The following NEK4 variants were observed in gnomAD, a reference collection of about 807,000 sequenced individuals.
The protein encoded by NEK4 is serine/threonine-protein kinase Nek4.
Under a neutral mutation model 98.4 loss-of-function variants are expected in NEK4, and 86 were observed. The ratio of observed to expected loss-of-function variants is 0.87; its 90% CI spans 0.73 to 1.05. The LOEUF (loss-of-function observed/expected upper bound fraction) is 1.05. Among genes scored for constraint, NEK4 ranks in the 50% least tolerant of loss-of-function variants. The pLI, the probability that NEK4 is intolerant of heterozygous loss-of-function variation, is 0.00. For missense variants in NEK4, 898 were observed against 950.3 expected (o/e 0.94, Z 0.72); for synonymous variants, 328 against 342.2 (o/e 0.96, Z 0.46).
chr3:52,758,913 C>T (rs1255307169), intron 6 of NEK4, among the ~76,000 whole-genome samples: 3 of 151,836 alleles, frequency 2.0e-5, no homozygotes, highest in Admixed American at 6.6e-5. Flanking sequence ...CATAGTGAGA[C>T]CCACCTCTAC....
In NEK4 at chr3:52,763,601, G is replaced by T; in HGVS notation, c.690C>A (p.Tyr230Ter). ...TTATCAGTTCTGCCAGCTCTGGGCTGTAATCTCTTGGCATTGGTGGCAGCT... is the reference window on the plus strand; with the variant it reads ...TTATCAGTTCTGCCAGCTCTGGGCTTTAATCTCTTGGCATTGGTGGCAGCT... ...EGKLPPMPRD[Y>*]SPELAELIRT... The change falls in exon 5 of 16, where the codon TAC becomes TAA. Residue 230 changes from tyrosine (Y) to a stop codon, truncating the protein, a stop_gained. Coordinates refer to ENST00000233027, the MANE Select transcript of NEK4 (RefSeq NM_003157.6). LOFTEE classifies it high-confidence loss of function. 6.2e-7 allele frequency: 1 copy of T among 1,603,252 alleles called. No individual in the cohort carries two copies. The highest frequency in any genetic ancestry group is 1.3e-5 in the African/African-American group (1 of 74,648).
At chr3:52,736,493 G>A (rs2097376137) in intron 15 of NEK4, among the ~76,000 whole-genome samples, 1 of 151,906 alleles carries the variant, frequency 6.6e-6, no homozygotes, top group South Asian at 2.1e-4. Context: ...GGCTGAGGCA[G>A]GAGAATGGCG....
intron 7 of NEK4, among the ~76,000 whole-genome samples, chr3:52,751,621 C>CA (rs367696490): frequency 4.0e-4 from 55 of 137,378 alleles, no homozygotes; most frequent in South Asian, 1.4e-3. Context: ...AACTCTGTCT[C>CA]AAAAAAAAAA....
chr3:52,761,107 T>G (rs1264037424), intron 5 of NEK4, among the ~76,000 whole-genome samples, 171 bp from the exon 6 acceptor site: 1 of 152,156 alleles, frequency 6.6e-6, no homozygotes, highest in Non-Finnish European at 1.5e-5. Context: ...TCACCAGTAG[T>G]CTTTGAAACA....
intron 12 of NEK4, among the ~76,000 whole-genome samples, chr3:52,742,057 C>A (rs775684417): frequency 6.6e-6 from 1 of 152,196 alleles, no homozygotes. Flanking sequence ...GGATTACAGG[C>A]ATGAGCTACC....
chr3:52,764,573 G>A (rs1483985767), intron 4 of NEK4, among the ~76,000 whole-genome samples: 1 of 151,998 alleles, frequency 6.6e-6, no homozygotes, highest in Non-Finnish European at 1.5e-5. Context: ...AGAGGTTGCA[G>A]TGAGCTGAGA....
intron 15 of NEK4, among the ~76,000 whole-genome samples, chr3:52,716,175 G>T (rs1038187952): frequency 2.0e-5 from 3 of 152,212 alleles, no homozygotes. Flanking sequence ...CCCTTGGCAG[G>T]CATGGGATAC....
rs1472783283 is a variant in NEK4, at chr3:52,711,201, GAATAA to G, written c.*571_*575del. ...CCTAGATGAGGTTTATATTAAATGA[GAATAA>G]AATATTAAAAGTCCATCAATGTGTA... On this transcript the variant is annotated 3_prime_UTR_variant, in exon 16 of 16. Transcript: ENST00000233027. 6.6e-6 allele frequency: 1 copy of G among 152,232 alleles called. No homozygotes were observed. Among genetic ancestry groups the G allele is most frequent in the African/African-American group, 2.4e-5 (1 of 41,430 alleles). 9.4% of individuals were successfully genotyped at this position (152,232 alleles called of 1,614,324 possible).
intron 5 of NEK4, among the ~76,000 whole-genome samples, chr3:52,761,565 C>T (rs540317441): frequency 2.6e-5 from 4 of 152,164 alleles, no homozygotes; most frequent in South Asian, 4.1e-4. Flanking sequence ...GGATTACAGG[C>T]GTGAGCCACC....
At position 52,763,603 on chromosome 3, in the gene NEK4, A is replaced by G; in HGVS notation, c.688T>C (p.Tyr230His). ...ATCAGTTCTGCCAGCTCTGGGCTGT[A>G]ATCTCTTGGCATTGGTGGCAGCTAC... Reference protein sequence around the residue: ...EGKLPPMPRDYSPELAELIRT... With the variant: ...EGKLPPMPRDHSPELAELIRT... The change falls in exon 5 of 16, where the codon TAC (tyrosine) becomes CAC (histidine). Residue 230 changes from tyrosine to histidine, a missense_variant. Transcript: ENST00000233027. The G allele has an allele frequency of 6.2e-7, 1 of 1,605,192 alleles. No individual in the cohort carries two copies. Among genetic ancestry groups the G allele is most frequent in the South Asian group, 1.1e-5 (1 of 89,148 alleles).
At chr3:52,724,481 C>A (rs2097362782) in intron 15 of NEK4, among the ~76,000 whole-genome samples, 1 of 152,156 alleles carries the variant, frequency 6.6e-6, no homozygotes, top group South Asian at 2.1e-4. Flanking sequence ...GAAATCAAGA[C>A]ATTTCCAGAT....
chr3:52,743,094 T>C, intron 12 of NEK4: 1 of 353,280 alleles, frequency 2.8e-6, no homozygotes, highest in South Asian at 3.8e-5. Flanking sequence ...CAGGAAGTCC[T>C]GTTAAGACCA....
intron 15 of NEK4, among the ~76,000 whole-genome samples, chr3:52,734,316 G>A (rs1020865010): frequency 6.6e-6 from 1 of 152,172 alleles, no homozygotes; most frequent in East Asian, 1.9e-4. Flanking sequence ...CAGGTGTGGT[G>A]GCGGGTGCCT....
intron 15 of NEK4, chr3:52,732,587 A>C: frequency 3.4e-6 from 1 of 296,286 alleles, no homozygotes; most frequent in South Asian, 4.5e-5. Flanking sequence ...ACTCTTACTC[A>C]GCGTCACTTG....
rs1169801037 is a variant in NEK4 at position 52,766,220 on chromosome 3, G to A, written c.516C>T (p.Tyr172=). The A allele has an allele frequency of 4.3e-6, 7 of 1,614,076 alleles. No individual in the cohort carries two copies. The highest frequency in any genetic ancestry group is 1.7e-5 in the Admixed American group (1 of 60,002). The change falls in exon 3 of 16, where the codon TAC becomes TAT. Residue 172 remains tyrosine (Y), a synonymous_variant. Transcript: ENST00000233027. ...TGTTTGAGAACAATTCAGGGCTCAT[G>A]TAGTAGGGTGTGCCAATGAGGGTGC... ...MASTLIGTPY[Y]MSPELFSNKP...
At chr3:52,723,038 T>C (rs2154102308) in intron 15 of NEK4, among the ~76,000 whole-genome samples, 1 of 152,088 alleles carries the variant, frequency 6.6e-6, no homozygotes, top group South Asian at 2.1e-4. Flanking sequence ...ACCCTGTCTC[T>C]ACAAAAAAAT....
At chr3:52,746,023 A>G in intron 10 of NEK4, 38 bp downstream of exon 10, 2 of 1,598,020 alleles carry the variant, frequency 1.3e-6, no homozygotes, top group Non-Finnish European at 1.7e-6. Context: ...ACGTCTGGTT[A>G]TAAGGTTTTT....
intron 1 of NEK4, 38 bp downstream of exon 1, chr3:52,770,615 GC>G: frequency 7.0e-7 from 1 of 1,427,186 alleles, no homozygotes. Context: ...GCGCACTTCT[GC>G]CCGCCCCCGC....
intron 10 of NEK4, among the ~76,000 whole-genome samples, chr3:52,745,024 T>C (rs2097393624): frequency 6.6e-6 from 1 of 151,822 alleles, no homozygotes; most frequent in African/African-American, 2.4e-5. Flanking sequence ...CACGCCATTC[T>C]CCTGCCTCAG....
Sources: gnomAD v4.1 joint callset for allele counts (sites outside exome capture counted in the v4.1 genomes callset) on GRCh38, gnomAD v4.1.1 for gene constraint, MANE v1.5 for transcripts, NCBI Gene and HGNC (gene_info 2026-07-23, HGNC 2026-07-21) for gene names.